CNTN3: variants seen among roughly 807,000 people sequenced by gnomAD.
CNTN3 encodes the protein contactin-3.
Under a neutral mutation model 119.1 loss-of-function variants are expected in CNTN3, and 60 were observed. The observed-to-expected ratio is 0.50, with a 90% CI of 0.41 to 0.62. The LOEUF (loss-of-function observed/expected upper bound fraction) is 0.62, where lower values mean the gene tolerates loss of function less well. CNTN3 is among the 20% of genes least tolerant of loss of function. The probability of loss-of-function intolerance (pLI) is 0.00; values close to 1 mark genes in which losing one functional copy is unlikely to be tolerated. For missense variants in CNTN3, 1,101 were observed against 1,242.4 expected, an observed-to-expected ratio of 0.89 and a Z score of 1.71; for synonymous variants, 450 against 438.7, an observed-to-expected ratio of 1.03 and a Z score of -0.32.
chr3:74,396,229 A>G (rs940022828), intron 5 of CNTN3, among the ~76,000 whole-genome samples: 2 of 152,184 alleles, frequency 1.3e-5, no homozygotes, highest in African/African-American at 4.8e-5. Context: ...TAGGGAAGAG[A>G]GGTTATGTCA....
intron 1 of CNTN3, among the ~76,000 whole-genome samples, chr3:74,531,703 A>G (rs1025742001): frequency 6.6e-6 from 1 of 151,974 alleles, no homozygotes; most frequent in Admixed American, 6.6e-5. Flanking sequence ...AGACAAAAGG[A>G]ACATTCTGAG....
intron 9 of CNTN3, among the ~76,000 whole-genome samples, chr3:74,364,826 A>C (rs1575662363): frequency 1.3e-5 from 2 of 152,218 alleles, no homozygotes; most frequent in African/African-American, 4.8e-5. Context: ...AGTATATCAT[A>C]AAATAGATAA....
Position 74,483,957 on chromosome 3 carries a change from T to C in CNTN3, c.358+2499A>G, listed in dbSNP as rs1414358844. 4.6e-5 allele frequency among the ~76,000 whole-genome samples: 7 copies of C among 152,170 alleles called. No individual in the cohort carries two copies. In the East Asian group the frequency reaches 1.3e-3, roughly 29 times the overall value. On this transcript the variant is annotated intron_variant, in intron 4 of 22. Coordinates refer to ENST00000263665, the MANE Select transcript of CNTN3 (RefSeq NM_020872.3). ...TCATACATGTCGTATTCTTTTTTTC[T>C]CTTACAAGTCATACTTTTCAGGAGG...
chr3:74,264,569 G>A (rs1701632885), intron 22 of CNTN3, 68 bp from the exon 23 acceptor site: 1 of 970,352 alleles, frequency 1.0e-6, no homozygotes, highest in South Asian at 1.7e-5. Context: ...GCTAGAGACT[G>A]GATATTTGTG....
intron 11 of CNTN3, among the ~76,000 whole-genome samples, chr3:74,339,903 ATAGATAG>A (rs1257450096): frequency 1.4e-5 from 1 of 71,746 alleles, no homozygotes; most frequent in Non-Finnish European, 3.0e-5. Flanking sequence ...AGATAGATAG[ATAGATAG>A]ATAGATAGAT....
At chr3:74,296,801 T>C (rs1702346183) in intron 18 of CNTN3, among the ~76,000 whole-genome samples, 1 of 152,212 alleles carries the variant, frequency 6.6e-6, no homozygotes, top group Non-Finnish European at 1.5e-5. Context: ...CCTATATTTT[T>C]TATTTGAAAT....
At chr3:74,602,653 T>C (rs1343275148) in intron 1 of CNTN3, among the ~76,000 whole-genome samples, 5 of 152,054 alleles carry the variant, frequency 3.3e-5, no homozygotes, top group Non-Finnish European at 7.4e-5. Context: ...GTGGATGTAA[T>C]TTATGTACAT....
intron 5 of CNTN3, among the ~76,000 whole-genome samples, chr3:74,373,019 A>G (rs958769094): frequency 2.0e-5 from 3 of 152,220 alleles, no homozygotes; most frequent in African/African-American, 7.2e-5. Context: ...TTATACAGAC[A>G]TCCAGAAACA....
chr3:74,302,918 G>A (rs1176243659), intron 13 of CNTN3, 111 bp from the exon 14 acceptor site: 43 of 638,856 alleles, frequency 6.7e-5, no homozygotes, highest in Admixed American at 2.6e-5. Context: ...TATTTAGGGA[G>A]CAAACCAAGG....
Position 74,299,874 on chromosome 3 carries a change from G to A in CNTN3, c.2160C>T (p.Thr720=), listed in dbSNP as rs567968319. 1.2e-6 allele frequency: 2 copies of A among 1,606,618 alleles called. No homozygotes were observed. Among genetic ancestry groups the A allele is most frequent in the East Asian group, 2.2e-5 (1 of 44,464 alleles). Residue 720 remains threonine (T), a synonymous_variant, in exon 17 of 23, where the codon ACC becomes ACT. Transcript: ENST00000263665. ...GGGSRSELVI[T]WDPVPEELQN... ...ATGCTGCCCAAACACTTACATCCCA[G>A]GTTATCACAAGTTCAGACCGGCTTC...
At chr3:74,365,833 C>A in intron 8 of CNTN3, 131 bp from the exon 9 acceptor site, 1 of 1,014,146 alleles carries the variant, frequency 9.9e-7, no homozygotes, top group Non-Finnish European at 1.4e-6. Context: ...GAAGTGAGAA[C>A]AGAGGCTAGA....
intron 19 of CNTN3, among the ~76,000 whole-genome samples, chr3:74,291,212 C>T (rs1398307121): frequency 2.0e-5 from 3 of 152,108 alleles, no homozygotes; most frequent in Non-Finnish European, 2.9e-5. Context: ...CATCCATGTC[C>T]CTACAAAGGA....
At chr3:74,296,447 G>T (rs1207028234) in intron 18 of CNTN3, among the ~76,000 whole-genome samples, 1 of 152,010 alleles carries the variant, frequency 6.6e-6, no homozygotes, top group African/African-American at 2.4e-5. Context: ...GTCTGGCTAT[G>T]AATTTAAGAC....
intron 3 of CNTN3, among the ~76,000 whole-genome samples, chr3:74,487,274 C>G (rs905923022): frequency 6.6e-6 from 1 of 152,084 alleles, no homozygotes; most frequent in African/African-American, 2.4e-5. Context: ...AAGAGAGAAG[C>G]TGGTTTTTAA....
chr3:74,294,598 C>G (rs563300597), intron 19 of CNTN3, among the ~76,000 whole-genome samples: 1 of 152,250 alleles, frequency 6.6e-6, no homozygotes, highest in South Asian at 2.1e-4. Context: ...TTTGGGTGAC[C>G]TAGTCAGACC....
intron 2 of CNTN3, among the ~76,000 whole-genome samples, chr3:74,510,965 A>C (rs1703353441): frequency 1.3e-5 from 2 of 152,058 alleles, no homozygotes. Context: ...AAGTTTTTGC[A>C]AATCACAAAT....
chr3:74,500,270 C>T (rs1435636679), intron 2 of CNTN3, among the ~76,000 whole-genome samples: 2 of 151,872 alleles, frequency 1.3e-5, no homozygotes, highest in Non-Finnish European at 2.9e-5. Flanking sequence ...CATTTTATTA[C>T]TAGCAAATTG....
intron 19 of CNTN3, among the ~76,000 whole-genome samples, chr3:74,290,974 T>TGTGCCA (rs1702219466): frequency 6.6e-6 from 1 of 152,184 alleles, no homozygotes. Flanking sequence ...TATGTATACA[T>TGTGCCA]GTGCCATGTT....
chr3:74,283,971 A>G (rs887407934), intron 20 of CNTN3, among the ~76,000 whole-genome samples: 28 of 152,150 alleles, frequency 1.8e-4, no homozygotes, highest in African/African-American at 6.8e-4. Context: ...TGCTATAGAA[A>G]TTCAAATGGT....
Sources: allele counts gnomAD v4.1 joint callset (sites outside exome capture counted in the v4.1 genomes callset), GRCh38; gene constraint gnomAD v4.1.1; transcripts MANE v1.5; gene names NCBI Gene and HGNC (gene_info 2026-07-23, HGNC 2026-07-21).